The following LIMS2 variants were observed in gnomAD, a reference collection of about 807,000 sequenced individuals.
LIMS2 encodes LIM zinc finger domain containing 2.
LIMS2 carries 30 observed loss-of-function variants against 45.3 expected under a neutral mutation model. The observed-to-expected ratio is 0.66, with a 90% CI of 0.50 to 0.90. LIMS2 has a LOEUF of 0.90. LIMS2 is among the 40% of genes least tolerant of loss of function. The pLI, the probability that LIMS2 is intolerant of heterozygous loss-of-function variation, is 0.00. For synonymous variants in LIMS2, 173 were observed against 188.0 expected (o/e 0.92, Z 0.65); for missense variants, 485 against 468.7 (o/e 1.03, Z -0.32).
intron 1 of LIMS2, among the ~76,000 whole-genome samples, chr2:127,657,877 G>C (rs1050218921): frequency 6.6e-6 from 1 of 152,170 alleles, no homozygotes; most frequent in African/African-American, 2.4e-5. Flanking sequence ...AATCCCCAGG[G>C]CAATACTGCA....
chr2:127,673,055 G>T lies in LIMS2; in HGVS notation c.11+1959C>A, dbSNP rs146074280. 2.8e-3 allele frequency among the ~76,000 whole-genome samples: 434 copies of T among 152,356 alleles called. 1 individual carries two copies. The highest frequency in any genetic ancestry group is 1.0e-2 in the African/African-American group (414 of 41,576). On this transcript the variant is annotated intron_variant, in intron 1 of 9. Transcript: ENST00000355119. Reference sequence around the variant, plus strand: ...TCTCGCCCACTCCGAAGGCCGGGTTGGATGTCTGTTCCTCACAGACTGGCC... The same window carrying T: ...TCTCGCCCACTCCGAAGGCCGGGTTTGATGTCTGTTCCTCACAGACTGGCC...
chr2:127,638,510 C>G lies in LIMS2; in HGVS notation c.*771G>C, dbSNP rs898112811. On this transcript the variant is annotated 3_prime_UTR_variant, in exon 10 of 10. Coordinates refer to ENST00000355119, the MANE Select transcript of LIMS2 (RefSeq NM_001161403.3). ...GCTGGCCGAAGACGAAGCGTCCTCC[C>G]TGGAGGTGGGAACAAGTCACCTCTG... is the stretch of plus-strand genomic sequence containing the variant. The G allele has an allele frequency of 6.5e-6, 1 of 152,690 alleles. No individual in the cohort carries two copies. The highest frequency in any genetic ancestry group is 1.5e-5 in the Non-Finnish European group (1 of 68,146). The allele number at this position is 152,690 out of a possible 1,614,324, so 9.5% of individuals were successfully genotyped here.
rs72960601 is a variant in LIMS2 at position 127,663,414 on chromosome 2, C to T, written c.12-5852G>A. On this transcript the variant is annotated intron_variant, in intron 1 of 9. Transcript: ENST00000355119. Reference sequence around the variant, plus strand: ...GTGCTGCCGGCCTGCAGTTCCCGCCCTCCACTCGGTGCCCTCCTTCCTCTT... The same window carrying T: ...GTGCTGCCGGCCTGCAGTTCCCGCCTTCCACTCGGTGCCCTCCTTCCTCTT... 6.6e-3 allele frequency among the ~76,000 whole-genome samples: 1,011 copies of T among 152,334 alleles called. 13 individuals are homozygous for T. The highest frequency in any genetic ancestry group is 0.023 in the African/African-American group (952 of 41,570).
intron 4 of LIMS2, chr2:127,651,349 T>A: frequency 6.2e-7 from 1 of 1,612,042 alleles, no homozygotes; most frequent in Non-Finnish European, 8.5e-7. Context: ...ACCTTCCCGT[T>A]CATCACCACG....
At chr2:127,680,184 C>T (rs1358721510), upstream of LIMS2, among the ~76,000 whole-genome samples, 1 of 152,202 alleles carries the variant, frequency 6.6e-6, no homozygotes, top group Non-Finnish European at 1.5e-5. Context: ...CAGCCGGAGC[C>T]CTCCCGGGCG....
Position 127,642,955 on chromosome 2 carries a change from G to A in LIMS2, c.477C>T (p.Tyr159=). ...GGGTGCAGTTGAAGTGGTCAGGGTG[G>A]TAGGCGTCGCTCCTGAACATGAGGG... The part of the protein sequence containing the change: ...EQPLMFRSDA[Y]HPDHFNCTHC... Residue 159 remains tyrosine, a synonymous_variant, in exon 5 of 10, where the codon TAC becomes TAT. Coordinates refer to ENST00000355119, the MANE Select transcript of LIMS2 (RefSeq NM_001161403.3). This position sits in a 1 kb window ranked among gnomAD's most constrained non-coding sequence, Gnocchi z 5.3. The A allele has an allele frequency of 6.4e-7, 1 of 1,567,104 alleles. No individual in the cohort carries two copies. The highest frequency in any genetic ancestry group is 8.6e-7 in the Non-Finnish European group (1 of 1,156,104).
intron 1 of LIMS2, among the ~76,000 whole-genome samples, chr2:127,666,641 C>T (rs1371528047): frequency 7.2e-6 from 1 of 139,000 alleles, no homozygotes; most frequent in Non-Finnish European, 1.6e-5. Flanking sequence ...TCTAAATTTT[C>T]ATACTGCTAT....
intron 1 of LIMS2, among the ~76,000 whole-genome samples, chr2:127,662,336 C>G (rs563658705): frequency 6.6e-6 from 1 of 152,238 alleles, no homozygotes; most frequent in Non-Finnish European, 1.5e-5. Context: ...CTGATAGGCA[C>G]TATTCCAGAT....
rs1042052022 is a variant in LIMS2 at position 127,640,788 on chromosome 2, G to A, written c.753+108C>T. The stretch of plus-strand genomic sequence containing the variant: ...GGCTGAGGGTGCAGGCCTGGGCTCA[G>A]CACCTGGCAGAGCTCCTGAGGGGGT... On this transcript the variant is annotated intron_variant, in intron 7 of 9. Coordinates refer to ENST00000355119, the MANE Select transcript of LIMS2 (RefSeq NM_001161403.3). 21 of 991,660 alleles carry A rather than the reference G, an allele frequency of 2.1e-5. 1 individual carries two copies. The South Asian group carries it at 2.6e-4, about 12-fold the overall frequency. 61.4% of individuals were successfully genotyped at this position (991,660 alleles called of 1,614,324 possible). A position where few individuals can be genotyped will look rare whatever the true frequency, so the allele number is the denominator to read the frequency against.
upstream of LIMS2, among the ~76,000 whole-genome samples, chr2:127,679,909 CT>C (rs1374015893): frequency 5.3e-5 from 8 of 152,150 alleles, no homozygotes; most frequent in Admixed American, 5.2e-4. This position sits in a 1 kb window ranked among gnomAD's most constrained non-coding sequence, Gnocchi z 5.3. Flanking sequence ...GCTAGCATGC[CT>C]TCCCAACAGG....
intron 4 of LIMS2, among the ~76,000 whole-genome samples, chr2:127,644,528 C>T (rs1382908458): frequency 1.3e-5 from 2 of 152,210 alleles, no homozygotes; most frequent in Non-Finnish European, 2.9e-5. Flanking sequence ...TGGCGGCCAG[C>T]CCATGCCCCC....
intron 1 of LIMS2, among the ~76,000 whole-genome samples, chr2:127,659,064 G>C (rs567461339): frequency 6.6e-6 from 1 of 152,242 alleles, no homozygotes; most frequent in East Asian, 1.9e-4. Flanking sequence ...TGGACGACAG[G>C]GCTGCGCTTA....
Position 127,642,233 on chromosome 2 carries a change from C to A in LIMS2, c.510-34G>T. Reference sequence around the variant, plus strand: ...CAGCGTGCAGCCCCCAGGTGCCACCCCTGCCCTTCTGCAGGGTCATGCCAG... The same window carrying A: ...CAGCGTGCAGCCCCCAGGTGCCACCACTGCCCTTCTGCAGGGTCATGCCAG... On this transcript the variant is annotated intron_variant, in intron 5 of 9. Transcript: ENST00000355119. This position sits in a 1 kb window ranked among gnomAD's most constrained non-coding sequence, Gnocchi z 5.3. The A allele has an allele frequency of 1.3e-6, 2 of 1,482,130 alleles. No individual in the cohort carries two copies. Among genetic ancestry groups the A allele is most frequent in the Non-Finnish European group, 9.0e-7 (1 of 1,109,884 alleles). The allele number at this position is 1,482,130 out of a possible 1,614,324, so 91.8% of individuals were successfully genotyped here.
In LIMS2 at chr2:127,664,378, C is replaced by T. The variant is rs931393927; in HGVS notation, c.12-6816G>A. The T allele has an allele frequency of 1.3e-5, 16 of 1,212,104 alleles. No individual in the cohort carries two copies. The highest frequency in any genetic ancestry group is 6.4e-4 in the Middle Eastern group (2 of 3,108). The allele number at this position is 1,212,104 out of a possible 1,614,324, so 75.1% of individuals were successfully genotyped here. A position where few individuals can be genotyped will look rare whatever the true frequency, so the allele number is the denominator to read the frequency against. On this transcript the variant is annotated intron_variant, in intron 1 of 9. Coordinates refer to ENST00000355119, the MANE Select transcript of LIMS2 (RefSeq NM_001161403.3). This position sits in a 1 kb window ranked among gnomAD's most constrained non-coding sequence, Gnocchi z 5.5. ...CCCCGACGCGGCCAGCGCACCCAGCCGGGCCGCCATGGCGCGGGGCAGCCG... is the reference window on the plus strand; with the variant it reads ...CCCCGACGCGGCCAGCGCACCCAGCTGGGCCGCCATGGCGCGGGGCAGCCG...
intron 4 of LIMS2, among the ~76,000 whole-genome samples, chr2:127,645,161 G>A (rs891953958): frequency 9.9e-5 from 15 of 152,274 alleles, no homozygotes; most frequent in African/African-American, 3.6e-4. Flanking sequence ...TTTGTTGATG[G>A]GTGAGTTTCT....
chr2:127,681,611 A>AGGTGCTGCTCCGGGCCCAGAGC (rs1207133723), exon 1 of LIMS2: 1 of 152,298 alleles, frequency 6.6e-6, no homozygotes, highest in African/African-American at 2.4e-5. Flanking sequence ...CTCCCCAGGG[A>AGGTGCTGCTCCGGGCCCAGAGC]GGTGCTGCTC....
rs1684925579 is a variant in LIMS2 at position 127,664,881 on chromosome 2, C to G, written c.12-7319G>C. 6.6e-6 allele frequency among the ~76,000 whole-genome samples: 1 copy of G among 152,236 alleles called. No homozygotes were observed. Among genetic ancestry groups the G allele is most frequent in the Non-Finnish European group, 1.5e-5 (1 of 68,034 alleles). On this transcript the variant is annotated intron_variant, in intron 1 of 9. Coordinates refer to ENST00000355119, the MANE Select transcript of LIMS2 (RefSeq NM_001161403.3). The surrounding 1 kb of genome is among the most constrained non-coding windows in gnomAD (Gnocchi z 5.5). Reference sequence around the variant, plus strand: ...GACCGGAGCCACACAGGCCCACATTCTGCTTTGCTCCCTTCTCTGAGACCC... The same window carrying G: ...GACCGGAGCCACACAGGCCCACATTGTGCTTTGCTCCCTTCTCTGAGACCC...
At chr2:127,644,243 G>A in intron 4 of LIMS2, 1 of 380,064 alleles carries the variant, frequency 2.6e-6, no homozygotes, top group East Asian at 7.8e-5. Context: ...TGCCCAGCAG[G>A]GGGCAACAGC....
chr2:127,647,966 C>T lies in LIMS2; in HGVS notation c.360-4894G>A. On this transcript the variant is annotated intron_variant, in intron 4 of 9. Transcript: ENST00000355119. The surrounding 1 kb of genome is among the most constrained non-coding windows in gnomAD (Gnocchi z 4.3). Reference sequence around the variant, plus strand: ...CCTCCTTTTACCTCTCCTCCACAGCCCCCTTCACAGCCCTCAGCCCTTCCC... The same window carrying T: ...CCTCCTTTTACCTCTCCTCCACAGCTCCCTTCACAGCCCTCAGCCCTTCCC... 1 of 954,364 alleles carries T rather than the reference C, an allele frequency of 1.0e-6. No individual in the cohort carries two copies. Among genetic ancestry groups the T allele is most frequent in the Non-Finnish European group, 1.2e-6 (1 of 801,470 alleles). The allele number at this position is 954,364 out of a possible 1,614,324, so 59.1% of individuals were successfully genotyped here.
Sources: gnomAD v4.1 joint callset for allele counts (sites outside exome capture counted in the v4.1 genomes callset) on GRCh38, gnomAD v4.1.1 for gene constraint, Gnocchi (gnomAD v3.1) non-coding constraint, MANE v1.5 for transcripts, NCBI Gene and HGNC (gene_info 2026-07-23, HGNC 2026-07-21) for gene names.